The following ST14 variants were observed in gnomAD, a reference collection of about 807,000 sequenced individuals.
The protein encoded by ST14 is ST14 transmembrane serine protease matriptase.
ST14 carries 40 observed loss-of-function variants against 96.5 expected under a neutral mutation model. The ratio of observed to expected loss-of-function variants is 0.41; its 90% CI spans 0.32 to 0.54. The LOEUF (loss-of-function observed/expected upper bound fraction) is 0.54, where lower values mean the gene tolerates loss of function less well. ST14 is among the 20% of genes least tolerant of loss of function. The probability of loss-of-function intolerance (pLI) is 0.17; values close to 1 mark genes in which losing one functional copy is unlikely to be tolerated. For synonymous variants in ST14, 506 were observed against 492.1 expected (o/e 1.03, Z -0.37); for missense variants, 1,066 against 1,188.9 (o/e 0.90, Z 1.52).
At position 130,187,670 on chromosome 11, in the gene ST14, C is replaced by T. The variant is rs1332558431; in HGVS notation, c.82-444C>T. Among the ~76,000 whole-genome samples, 1 of 152,086 alleles carries T rather than the reference C, an allele frequency of 6.6e-6. No homozygotes were observed. Among genetic ancestry groups the T allele is most frequent in the Non-Finnish European group, 1.5e-5 (1 of 67,992 alleles). ...CTGGTAGGGGCTGTGTCCGAGGGAG[C>T]AGGGCCTGCTCCTAGAAGTCTGCAC... On this transcript the variant is annotated intron_variant, in intron 1 of 18. Coordinates refer to ENST00000278742, the MANE Select transcript of ST14 (RefSeq NM_021978.4). This position sits in a 1 kb window ranked among gnomAD's most constrained non-coding sequence, Gnocchi z 4.5.
chr11:130,198,796 T>C, intron 14 of ST14, 151 bp from the exon 15 acceptor site: 1 of 1,517,130 alleles, frequency 6.6e-7, no homozygotes. Context: ...GGAGAACCTG[T>C]AGCAGGGCAG....
intron 1 of ST14, among the ~76,000 whole-genome samples, chr11:130,180,360 C>A (rs781763900): frequency 6.6e-6 from 1 of 152,250 alleles, no homozygotes; most frequent in Admixed American, 6.5e-5. Context: ...AGATCACACC[C>A]AACCTTAGCC....
intron 1 of ST14, among the ~76,000 whole-genome samples, chr11:130,173,976 T>A (rs1386094737): frequency 3.9e-5 from 6 of 152,236 alleles, no homozygotes; most frequent in Admixed American, 1.3e-4. Context: ...TCCAAAAACA[T>A]TTTTTAAGAC....
chr11:130,197,791 G>T, intron 11 of ST14, 50 bp from the exon 12 acceptor site: 1 of 1,467,036 alleles, frequency 6.8e-7, no homozygotes, highest in East Asian at 2.5e-5. Flanking sequence ...GGGAGCCAGC[G>T]GAGGGAGGTG....
chr11:130,193,986 CT>C (rs1953332189), intron 7 of ST14, among the ~76,000 whole-genome samples, 162 bp from the exon 8 acceptor site: 2 of 152,310 alleles, frequency 1.3e-5, no homozygotes, highest in African/African-American at 4.8e-5. Context: ...GGGGGAGGGA[CT>C]TACTTGAATG....
At chr11:130,169,566 C>T (rs1292432536) in intron 1 of ST14, among the ~76,000 whole-genome samples, 1 of 152,100 alleles carries the variant, frequency 6.6e-6, no homozygotes, top group Non-Finnish European at 1.5e-5. Flanking sequence ...AGACAGGGGA[C>T]TACGCTAGCG....
At chr11:130,179,084 G>A (rs1953166785) in intron 1 of ST14, among the ~76,000 whole-genome samples, 2 of 152,162 alleles carry the variant, frequency 1.3e-5, no homozygotes, top group Admixed American at 1.3e-4. Context: ...TCTCCTCCTG[G>A]TGACAGGAAG....
intron 4 of ST14, chr11:130,189,365 AC>A (rs1953270651): frequency 2.3e-6 from 1 of 444,140 alleles, no homozygotes; most frequent in Non-Finnish European, 4.1e-6. Context: ...GTTCGTTTGA[AC>A]CCTGGGGAAT....
intron 1 of ST14, among the ~76,000 whole-genome samples, chr11:130,162,761 C>T (rs575428213): frequency 6.6e-6 from 1 of 152,324 alleles, no homozygotes; most frequent in South Asian, 2.1e-4. Context: ...TGAATTCTGA[C>T]TCATGAGTAC....
At chr11:130,164,888 C>T (rs1257955838) in intron 1 of ST14, among the ~76,000 whole-genome samples, 1 of 151,946 alleles carries the variant, frequency 6.6e-6, no homozygotes, top group East Asian at 1.9e-4. Context: ...CAGGCATGCA[C>T]CACCATGCAC....
chr11:130,189,952 G>A, intron 5 of ST14, 56 bp downstream of exon 5: 2 of 1,613,280 alleles, frequency 1.2e-6, no homozygotes, highest in Non-Finnish European at 1.7e-6. Flanking sequence ...ATGGAGTGGG[G>A]CTGGGCCCTG....
intron 1 of ST14, among the ~76,000 whole-genome samples, chr11:130,166,045 C>T (rs1207413637): frequency 6.6e-6 from 1 of 152,188 alleles, no homozygotes; most frequent in African/African-American, 2.4e-5. Flanking sequence ...TGGTGTGCTA[C>T]AAACATCATA....
intron 1 of ST14, among the ~76,000 whole-genome samples, chr11:130,168,629 C>T (rs1478978801): frequency 6.6e-6 from 1 of 152,156 alleles, no homozygotes; most frequent in Non-Finnish European, 1.5e-5. Flanking sequence ...GGGTGACATG[C>T]CCTGCAGAAT....
chr11:130,173,529 GA>G (rs1953111971), intron 1 of ST14, among the ~76,000 whole-genome samples: 4 of 151,866 alleles, frequency 2.6e-5, no homozygotes, highest in Admixed American at 2.0e-4. Flanking sequence ...CTGGGAGGCG[GA>G]GGTTGTGGTG....
At chr11:130,191,079 G>C (rs1333309461) in intron 7 of ST14, among the ~76,000 whole-genome samples, 1 of 152,254 alleles carries the variant, frequency 6.6e-6, no homozygotes, top group Non-Finnish European at 1.5e-5. Context: ...TGGCGGGCAC[G>C]GTAGCTCATG....
chr11:130,195,542 C>T (rs7117642), intron 9 of ST14, among the ~76,000 whole-genome samples: 3,725 of 152,270 alleles, frequency 0.024, 59 homozygotes, highest in Middle Eastern at 0.034. Context: ...CCAGAGCTGC[C>T]TCCCTTTCCT....
chr11:130,175,494 C>A (rs952310387), intron 1 of ST14, among the ~76,000 whole-genome samples: 1 of 152,020 alleles, frequency 6.6e-6, no homozygotes, highest in Non-Finnish European at 1.5e-5. Flanking sequence ...ATTCTCCCAC[C>A]TCAGCCTCCC....
intron 12 of ST14, 87 bp from the exon 13 acceptor site, chr11:130,198,221 C>T (rs985304641): frequency 1.5e-6 from 2 of 1,297,486 alleles, no homozygotes; most frequent in Admixed American, 1.7e-5. Flanking sequence ...AGAAAGCGGT[C>T]CCCAGGTAGC....
rs1373034232 is a variant in ST14, at chr11:130,186,254, C to A, written c.82-1860C>A. Among the ~76,000 whole-genome samples, 12 of 152,288 alleles carry A rather than the reference C, an allele frequency of 7.9e-5. No homozygotes were observed. The East Asian group carries it at 1.7e-3, about 22-fold the overall frequency. ...ATATTCTTCTCAGAAAGTATATGTT[C>A]ATCTCTTCTGGGTCTTTGTGGTTAG... On this transcript the variant is annotated intron_variant, in intron 1 of 18. Transcript: ENST00000278742.
Sources: allele counts gnomAD v4.1 joint callset (sites outside exome capture counted in the v4.1 genomes callset), GRCh38; gene constraint gnomAD v4.1.1; non-coding constraint Gnocchi (gnomAD v3.1); transcripts MANE v1.5; gene names NCBI Gene and HGNC (gene_info 2026-07-23, HGNC 2026-07-21).